The following SRBD1 variants were observed in gnomAD, a reference collection of about 807,000 sequenced individuals.
SRBD1 encodes S1 RNA-binding domain-containing protein 1.
A neutral mutation model predicts 115.3 loss-of-function variants in SRBD1; 88 were observed. That is an observed-to-expected ratio of 0.76 (90% CI 0.64 to 0.91). SRBD1 has a LOEUF of 0.91. SRBD1 is among the 40% of genes least tolerant of loss of function. The pLI, the probability that SRBD1 is intolerant of heterozygous loss-of-function variation, is 0.00. For synonymous variants in SRBD1, 509 were observed against 407.7 expected, an observed-to-expected ratio of 1.25 and a Z score of -2.99; for missense variants, 1,385 against 1,177.4, an observed-to-expected ratio of 1.18 and a Z score of -2.58.
rs1227145585 is a variant in SRBD1 at position 45,594,123 on chromosome 2, AC to A, written c.648+5325del. On this transcript the variant is annotated intron_variant, in intron 4 of 20. Coordinates refer to ENST00000263736, the MANE Select transcript of SRBD1 (RefSeq NM_018079.5). Reference sequence around the variant, plus strand: ...AATTTCTCCTGGACAAATAGGTTAAACCTAATAAGTGGTTCCACCTTTATAC... The same window carrying A: ...AATTTCTCCTGGACAAATAGGTTAAACTAATAAGTGGTTCCACCTTTATAC... Among the ~76,000 whole-genome samples, 4 of 152,212 alleles carry A rather than the reference AC, an allele frequency of 2.6e-5. No homozygotes were observed. In the East Asian group the frequency reaches 7.7e-4, roughly 29 times the overall value.
chr2:45,433,779 C>T (rs1668408922), intron 16 of SRBD1, among the ~76,000 whole-genome samples: 1 of 152,174 alleles, frequency 6.6e-6, no homozygotes, highest in Admixed American at 6.5e-5. Flanking sequence ...CAGACAAGTA[C>T]ATAGAACAAA....
rs1673074542 is a variant in SRBD1, at chr2:45,573,211, T to C, written c.1301A>G (p.His434Arg). 2 of 1,605,896 alleles carry C rather than the reference T, an allele frequency of 1.2e-6. No individual in the cohort carries two copies. The highest frequency in any genetic ancestry group is 1.7e-6 in the Non-Finnish European group (2 of 1,177,242). ...ACATGCAGTTTCTTTATTTACCTGA[T>C]GATGGTGAATGTTTCTTATGTTGCA... ...FSCNIRNIHH[H>R]QILAINRGEN... Residue 434 changes from histidine to arginine, a missense_variant, in exon 9 of 21, where the codon CAT (histidine) becomes CGT (arginine). Coordinates refer to ENST00000263736, the MANE Select transcript of SRBD1 (RefSeq NM_018079.5).
intron 19 of SRBD1, among the ~76,000 whole-genome samples, chr2:45,396,502 T>C (rs781105874): frequency 1.3e-5 from 2 of 152,196 alleles, no homozygotes; most frequent in Non-Finnish European, 1.5e-5. Context: ...ATTTCATCCA[T>C]CTTACTTAAA....
chr2:45,534,962 T>C (rs771981741), intron 14 of SRBD1, among the ~76,000 whole-genome samples: 5 of 151,894 alleles, frequency 3.3e-5, no homozygotes, highest in African/African-American at 7.2e-5. Context: ...CAAAAATCTC[T>C]ACCAAAAATT....
At chr2:45,466,659 C>T (rs983021334) in intron 16 of SRBD1, among the ~76,000 whole-genome samples, 3 of 152,158 alleles carry the variant, frequency 2.0e-5, no homozygotes, top group Non-Finnish European at 4.4e-5. Context: ...AAATTAAACA[C>T]AAAAGACACA....
intron 16 of SRBD1, among the ~76,000 whole-genome samples, chr2:45,439,061 A>T (rs939048970): frequency 1.3e-5 from 2 of 152,158 alleles, no homozygotes; most frequent in Non-Finnish European, 2.9e-5. Context: ...AACAGAGGCC[A>T]GGAGACAATG....
intron 5 of SRBD1, among the ~76,000 whole-genome samples, chr2:45,584,766 A>G (rs1032013875): frequency 3.9e-5 from 6 of 152,210 alleles, no homozygotes; most frequent in Non-Finnish European, 8.8e-5. Context: ...CAGTGAGTCC[A>G]GAGGCATAAT....
intron 19 of SRBD1, among the ~76,000 whole-genome samples, chr2:45,403,138 T>G (rs916202048): frequency 2.6e-5 from 4 of 152,158 alleles, no homozygotes; most frequent in African/African-American, 9.6e-5. Flanking sequence ...GCCTTGGCCC[T>G]GGATACAATG....
intron 15 of SRBD1, among the ~76,000 whole-genome samples, chr2:45,482,283 A>C (rs1328704884): frequency 2.0e-5 from 3 of 152,108 alleles, no homozygotes; most frequent in Non-Finnish European, 4.4e-5. Flanking sequence ...GGAAGATATA[A>C]ATATTGAAAT....
At position 45,547,464 on chromosome 2, in the gene SRBD1, A is replaced by G. The variant is rs1006347456; in HGVS notation, c.1766+58T>C. On this transcript the variant is annotated intron_variant, in intron 13 of 20. Coordinates refer to ENST00000263736, the MANE Select transcript of SRBD1 (RefSeq NM_018079.5). Reference sequence around the variant, plus strand: ...CCCTCCCTCCAAATTAGGGGCTTCAAAGGTATCTCTGGTTGACTGAGCCAC... The same window carrying G: ...CCCTCCCTCCAAATTAGGGGCTTCAGAGGTATCTCTGGTTGACTGAGCCAC... The G allele has an allele frequency of 6.1e-6, 9 of 1,473,840 alleles. No individual in the cohort carries two copies. In the Admixed American group the frequency reaches 7.1e-5, roughly 12 times the overall value. The allele number at this position is 1,473,840 out of a possible 1,614,324, so 91.3% of individuals were successfully genotyped here.
chr2:45,442,894 C>G (rs890208590), intron 16 of SRBD1, among the ~76,000 whole-genome samples: 1 of 152,132 alleles, frequency 6.6e-6, no homozygotes, highest in Non-Finnish European at 1.5e-5. Context: ...TCTCTGGAGG[C>G]AGTAGTGTCT....
In SRBD1 at chr2:45,389,226, C is replaced by A. The variant is rs993915075; in HGVS notation, c.*84G>T. 1 of 1,458,048 alleles carries A rather than the reference C, an allele frequency of 6.9e-7. No homozygotes were observed. Among genetic ancestry groups the A allele is most frequent in the Non-Finnish European group, 9.3e-7 (1 of 1,075,558 alleles). 90.3% of individuals were successfully genotyped at this position (1,458,048 alleles called of 1,614,324 possible). On this transcript the variant is annotated 3_prime_UTR_variant, in exon 21 of 21. Transcript: ENST00000263736. ...TAAGTGAATTATTTCTCATCTGCTA[C>A]CTAGAGTTTACAAACAACTGACTTA...
intron 16 of SRBD1, among the ~76,000 whole-genome samples, chr2:45,450,743 T>C (rs936531767): frequency 6.6e-6 from 1 of 152,124 alleles, no homozygotes; most frequent in Non-Finnish European, 1.5e-5. Flanking sequence ...AAAAGTGCCC[T>C]ATCTTGGCTG....
intron 18 of SRBD1, among the ~76,000 whole-genome samples, chr2:45,414,620 CACAT>C (rs1340826859): frequency 1.4e-4 from 16 of 117,812 alleles, no homozygotes; most frequent in East Asian, 4.0e-4. Flanking sequence ...TGTGTGTACA[CACAT>C]AGTGTGTATA....
chr2:45,483,436 A>C (rs996100143), intron 15 of SRBD1, among the ~76,000 whole-genome samples: 5 of 116,244 alleles, frequency 4.3e-5, no homozygotes, highest in African/African-American at 1.4e-4. Context: ...TATAACTTGC[A>C]TGACCACATG....
chr2:45,556,550 C>G (rs1371666479), intron 10 of SRBD1, among the ~76,000 whole-genome samples: 1 of 149,006 alleles, frequency 6.7e-6, no homozygotes, highest in Non-Finnish European at 1.5e-5. Context: ...GCAACCTCCA[C>G]CTCCCAGGTT....
chr2:45,578,889 T>C (rs1239128191), intron 7 of SRBD1, among the ~76,000 whole-genome samples: 1 of 152,236 alleles, frequency 6.6e-6, no homozygotes, highest in East Asian at 1.9e-4. Context: ...GATGAATATG[T>C]TAATTTGCTT....
chr2:45,393,539 C>T (rs2103815825), intron 19 of SRBD1, among the ~76,000 whole-genome samples: 1 of 152,250 alleles, frequency 6.6e-6, no homozygotes, highest in African/African-American at 2.4e-5. Context: ...CGCCACCACG[C>T]CCAGCTAATT....
At chr2:45,455,939 G>A (rs1669138804) in intron 16 of SRBD1, among the ~76,000 whole-genome samples, 1 of 151,518 alleles carries the variant, frequency 6.6e-6, no homozygotes, top group Non-Finnish European at 1.5e-5. Context: ...CTGTAACATT[G>A]CCACCATCAC....
Sources: gnomAD v4.1 joint callset for allele counts (sites outside exome capture counted in the v4.1 genomes callset) on GRCh38, gnomAD v4.1.1 for gene constraint, MANE v1.5 for transcripts, NCBI Gene and HGNC (gene_info 2026-07-23, HGNC 2026-07-21) for gene names.